Variants in SLC2A13 observed in about 807,000 individuals in gnomAD.
SLC2A13 encodes proton myo-inositol cotransporter.
SLC2A13 carries 32 observed loss-of-function variants against 64.4 expected under a neutral mutation model. The observed-to-expected ratio is 0.50, with a 90% confidence interval of 0.37 to 0.67. The LOEUF (loss-of-function observed/expected upper bound fraction) is 0.67, where lower values mean the gene tolerates loss of function less well. SLC2A13 is among the 30% of genes least tolerant of loss of function. The pLI is 0.00. For synonymous variants in SLC2A13, 338 were observed against 327.1 expected (o/e 1.03, Z -0.36); for missense variants, 743 against 829.2 (o/e 0.90, Z 1.28).
At chr12:39,995,539 C>T (rs1040113673) in intron 3 of SLC2A13, among the ~76,000 whole-genome samples, 8 of 152,150 alleles carry the variant, frequency 5.3e-5, no homozygotes, top group Non-Finnish European at 1.0e-4. Context: ...GTATTAATTC[C>T]TCCAGATTTT....
intron 4 of SLC2A13, among the ~76,000 whole-genome samples, chr12:39,901,942 A>C (rs947868185): frequency 2.6e-4 from 40 of 152,232 alleles, no homozygotes; most frequent in African/African-American, 8.7e-4. Context: ...GGAACCAACC[A>C]AAATGTCCAT....
intron 7 of SLC2A13, among the ~76,000 whole-genome samples, chr12:39,793,007 CAA>C (rs1334238796): frequency 6.6e-6 from 1 of 152,080 alleles, no homozygotes; most frequent in Non-Finnish European, 1.5e-5. Context: ...GACTGGTTAA[CAA>C]AATCTTTCAC....
chr12:39,767,888 C>T (rs1385743329), intron 7 of SLC2A13, among the ~76,000 whole-genome samples: 1 of 152,038 alleles, frequency 6.6e-6, no homozygotes, highest in Non-Finnish European at 1.5e-5. Context: ...TGTTTGCTTC[C>T]CCTTCCTCCA....
intron 4 of SLC2A13, among the ~76,000 whole-genome samples, chr12:39,901,451 G>T (rs1390712219): frequency 3.5e-5 from 5 of 143,542 alleles, no homozygotes; most frequent in Non-Finnish European, 7.6e-5. Context: ...ATCTGACAAA[G>T]GGCTAATATC....
intron 7 of SLC2A13, among the ~76,000 whole-genome samples, chr12:39,821,403 C>T (rs1390013319): frequency 6.6e-6 from 1 of 151,870 alleles, no homozygotes; most frequent in Non-Finnish European, 1.5e-5. Context: ...GAGCAAGACT[C>T]CGTCTCAAAA....
chr12:40,068,881 T>C (rs1937848480), intron 1 of SLC2A13, among the ~76,000 whole-genome samples: 1 of 151,576 alleles, frequency 6.6e-6, no homozygotes, highest in Non-Finnish European at 1.5e-5. Context: ...AGCAGGAATA[T>C]GGCCCAAAAA....
intron 1 of SLC2A13, among the ~76,000 whole-genome samples, chr12:40,078,679 A>G (rs749608178): frequency 2.0e-5 from 3 of 152,168 alleles, no homozygotes; most frequent in Admixed American, 6.5e-5. Flanking sequence ...CTCTTACTCA[A>G]TATTTTCTAG....
chr12:39,842,127 T>C (rs1380249989), intron 6 of SLC2A13, among the ~76,000 whole-genome samples: 2 of 152,226 alleles, frequency 1.3e-5, no homozygotes, highest in East Asian at 1.9e-4. Flanking sequence ...CCTAAGGATG[T>C]TGACTTCCAA....
At chr12:40,005,983 C>G (rs1384605311) in intron 3 of SLC2A13, among the ~76,000 whole-genome samples, 1 of 152,156 alleles carries the variant, frequency 6.6e-6, no homozygotes, top group Non-Finnish European at 1.5e-5. Flanking sequence ...GGTTGAGAAT[C>G]ACATTTCTAG....
intron 4 of SLC2A13, among the ~76,000 whole-genome samples, chr12:39,887,587 C>T (rs1944500485): frequency 1.3e-5 from 2 of 152,182 alleles, no homozygotes; most frequent in South Asian, 4.1e-4. Flanking sequence ...AGATTTTGAG[C>T]AGGAGTTTTT....
chr12:40,019,359 A>ATT (rs11324751), intron 3 of SLC2A13, among the ~76,000 whole-genome samples: 5 of 151,032 alleles, frequency 3.3e-5, no homozygotes, highest in Admixed American at 6.6e-5. Flanking sequence ...ACAATGCCTA[A>ATT]TTTTTTTTTT....
At chr12:39,802,247 A>C (rs1389777529) in intron 7 of SLC2A13, 2 of 152,026 alleles carry the variant, frequency 1.3e-5, no homozygotes, top group African/African-American at 4.8e-5. Flanking sequence ...CTGTATTTTC[A>C]TTTTGCATGC....
intron 4 of SLC2A13, among the ~76,000 whole-genome samples, chr12:39,875,462 CA>C (rs1944158634): frequency 6.6e-6 from 1 of 152,204 alleles, no homozygotes; most frequent in Non-Finnish European, 1.5e-5. Context: ...ATTCAGTCTG[CA>C]CCTTAATTTC....
At chr12:40,006,493 A>G (rs574178837) in intron 3 of SLC2A13, among the ~76,000 whole-genome samples, 28 of 152,382 alleles carry the variant, frequency 1.8e-4, no homozygotes, top group African/African-American at 6.7e-4. Context: ...CACATAGTTT[A>G]TGTTCATTAA....
At chr12:39,991,172 T>C (rs1380798564) in intron 3 of SLC2A13, among the ~76,000 whole-genome samples, 1 of 152,244 alleles carries the variant, frequency 6.6e-6, no homozygotes, top group East Asian at 1.9e-4. Context: ...AGCAGTGCTT[T>C]GTAGAACTGC....
intron 3 of SLC2A13, among the ~76,000 whole-genome samples, chr12:40,002,089 T>C (rs1451229680): frequency 2.6e-5 from 4 of 152,222 alleles, no homozygotes; most frequent in Non-Finnish European, 4.4e-5. Flanking sequence ...AAATGAATCA[T>C]TGGATGACTT....
intron 7 of SLC2A13, among the ~76,000 whole-genome samples, chr12:39,820,849 C>T (rs943734628): frequency 6.6e-6 from 1 of 150,572 alleles, no homozygotes; most frequent in African/African-American, 2.4e-5. Flanking sequence ...ATGCCTTGCC[C>T]TTTGTTTGTT....
At chr12:40,029,408 C>A (rs909622490) in intron 2 of SLC2A13, among the ~76,000 whole-genome samples, 2 of 152,134 alleles carry the variant, frequency 1.3e-5, no homozygotes, top group African/African-American at 4.8e-5. Flanking sequence ...TTCTGTTAAT[C>A]CAACTTCTCT....
intron 6 of SLC2A13, among the ~76,000 whole-genome samples, chr12:39,853,087 C>T (rs1943512149): frequency 6.6e-6 from 1 of 151,894 alleles, no homozygotes; most frequent in Non-Finnish European, 1.5e-5. Context: ...ATGTTTTGTC[C>T]AATTCTTTGC....
Sources: gnomAD v4.1 joint callset for allele counts (sites outside exome capture counted in the v4.1 genomes callset) on GRCh38, gnomAD v4.1.1 for gene constraint, MANE v1.5 for transcripts, NCBI Gene and HGNC (gene_info 2026-07-23, HGNC 2026-07-21) for gene names.